NCF2: variants seen among roughly 807,000 people sequenced by gnomAD.
The protein encoded by NCF2 is neutrophil cytosol factor 2.
NCF2 carries 45 observed loss-of-function variants against 70.9 expected under a neutral mutation model. The observed-to-expected ratio is 0.63, with a 90% CI of 0.50 to 0.81. The LOEUF (loss-of-function observed/expected upper bound fraction) is 0.81. NCF2 is among the 40% of genes least tolerant of loss of function. NCF2 has a pLI of 0.00. For synonymous variants in NCF2, 203 were observed against 233.6 expected (o/e 0.87, Z 1.19); for missense variants, 522 against 631.6 (o/e 0.83, Z 1.86).
intron 3 of NCF2, among the ~76,000 whole-genome samples, chr1:183,576,185 T>C (rs945084472): frequency 1.3e-5 from 2 of 152,138 alleles, no homozygotes; most frequent in East Asian, 1.9e-4. Flanking sequence ...GGGAAATGAC[T>C]GGAAGGTCCC....
upstream of NCF2, chr1:183,590,784 A>G (rs1188398254): frequency 2.6e-5 from 6 of 227,814 alleles, no homozygotes; most frequent in African/African-American, 1.1e-4. Flanking sequence ...GGTGATAATG[A>G]CAGGAGGCAG....
chr1:183,589,055 G>A (rs537302019), intron 1 of NCF2, among the ~76,000 whole-genome samples: 1 of 152,230 alleles, frequency 6.6e-6, no homozygotes, highest in Non-Finnish European at 1.5e-5. Flanking sequence ...AGCCAGAGGT[G>A]GGGGGTCCTG....
In NCF2 at chr1:183,568,663, G is replaced by A. The variant is rs1055910431; in HGVS notation, c.713+479C>T. On this transcript the variant is annotated intron_variant, in intron 7 of 14. Coordinates refer to ENST00000367535, the MANE Select transcript of NCF2 (RefSeq NM_000433.4). ...TAGGGAGTGGAAAACATCCACACAG[G>A]AAAAAGGACGTCATTCTAGATTCCT... Among the ~76,000 whole-genome samples the A allele has an allele frequency of 3.3e-5, 5 of 149,984 alleles. No homozygotes were observed. In the South Asian group the frequency reaches 8.6e-4, roughly 26 times the overall value.
intron 13 of NCF2, among the ~76,000 whole-genome samples, chr1:183,560,513 G>T (rs553426087): frequency 6.6e-6 from 1 of 152,306 alleles, no homozygotes; most frequent in Admixed American, 6.5e-5. Context: ...TAGATGAATG[G>T]TGGTGGGTGG....
At position 183,556,024 on chromosome 1, in the gene NCF2, A is replaced by G. The variant is rs1671754629; in HGVS notation, c.*94T>C. On this transcript the variant is annotated 3_prime_UTR_variant, in exon 15 of 15. Transcript: ENST00000367535. ...TAAATAGTTAACACTTCCAAACTGT[A>G]ATGTCTCAGTACAGTATACAGCAGA... is the stretch of plus-strand genomic sequence containing the variant. 9.7e-7 allele frequency: 1 copy of G among 1,027,424 alleles called. No individual in the cohort carries two copies. 63.6% of individuals were successfully genotyped at this position (1,027,424 alleles called of 1,614,324 possible).
chr1:183,587,347 A>G (rs1340038495), intron 1 of NCF2, among the ~76,000 whole-genome samples: 1 of 152,156 alleles, frequency 6.6e-6, no homozygotes, highest in Admixed American at 6.5e-5. Flanking sequence ...TAATCCCAGC[A>G]CTTTGGGAGG....
the NCF2 span, among the ~76,000 whole-genome samples, chr1:183,600,505 A>G: frequency 1.3e-5 from 2 of 152,182 alleles, no homozygotes; most frequent in African/African-American, 4.8e-5. Flanking sequence ...AGCAACTATT[A>G]TCTGTCATCC....
chr1:183,586,411 A>G (rs556173415), intron 2 of NCF2, among the ~76,000 whole-genome samples: 1 of 152,362 alleles, frequency 6.6e-6, no homozygotes, highest in South Asian at 2.1e-4. Context: ...ATCTGTAGTA[A>G]TTTATTCTTA....
At chr1:183,598,378 A>G in the NCF2 span, 1 of 152,230 alleles carries the variant, frequency 6.6e-6, no homozygotes, top group Non-Finnish European at 1.5e-5. Context: ...ATTCTCAGAA[A>G]CAAACATAAC....
intron 1 of NCF2, among the ~76,000 whole-genome samples, chr1:183,589,061 T>A (rs1429338312): frequency 6.6e-6 from 1 of 151,890 alleles, no homozygotes; most frequent in African/African-American, 2.4e-5. Flanking sequence ...AGGTGGGGGG[T>A]CCTGCCATGC....
chr1:183,567,140 A>T, intron 8 of NCF2, 64 bp downstream of exon 8: 8 of 1,611,718 alleles, frequency 5.0e-6, no homozygotes, highest in Non-Finnish European at 6.8e-6. Context: ...ATACTGCTCC[A>T]CAGAGACTGC....
chr1:183,560,050 C>T, intron 14 of NCF2, 46 bp downstream of exon 14: 1 of 1,586,774 alleles, frequency 6.3e-7, no homozygotes, highest in Non-Finnish European at 8.7e-7. Context: ...GACCTTGTTT[C>T]TGCTAACATG....
At chr1:183,586,668 G>T (rs1005794186) in intron 2 of NCF2, among the ~76,000 whole-genome samples, 1 of 152,150 alleles carries the variant, frequency 6.6e-6, no homozygotes, top group Non-Finnish European at 1.5e-5. Flanking sequence ...TAGGCTCATT[G>T]TGCCTATGAC....
At chr1:183,571,828 C>T (rs1324260387) in intron 5 of NCF2, among the ~76,000 whole-genome samples, 1 of 152,204 alleles carries the variant, frequency 6.6e-6, no homozygotes, top group Non-Finnish European at 1.5e-5. Context: ...CCAGATATTT[C>T]CTATAAACGG....
At chr1:183,590,731 C>T, upstream of NCF2, 1 of 266,438 alleles carries the variant, frequency 3.8e-6, no homozygotes, top group East Asian at 9.5e-5. Flanking sequence ...CAAAGTTCTG[C>T]TTCTAGAGCC....
intron 2 of NCF2, among the ~76,000 whole-genome samples, chr1:183,578,292 G>T (rs1165393528): frequency 2.0e-5 from 3 of 151,184 alleles, no homozygotes; most frequent in Non-Finnish European, 4.4e-5. Flanking sequence ...CGCCACTTCT[G>T]CCTCCTCCCT....
At chr1:183,573,109 T>C in intron 5 of NCF2, 76 bp downstream of exon 5, 1 of 1,348,878 alleles carries the variant, frequency 7.4e-7, no homozygotes, top group Non-Finnish European at 1.1e-6. Context: ...TACCCTCTTC[T>C]CAAGAGTCCC....
rs759997544 is a variant in NCF2 at position 183,570,859 on chromosome 1, G to A, written c.610-20C>T. The A allele has an allele frequency of 6.2e-7, 1 of 1,613,430 alleles. No homozygotes were observed. The highest frequency in any genetic ancestry group is 1.1e-5 in the South Asian group (1 of 91,056). ...CACGACCTAAAATCAAGGACAGGAG[G>A]GTGTGAGGCTCTGCCAGCACTGTTT... On this transcript the variant is annotated intron_variant, in intron 5 of 14. Coordinates refer to ENST00000367535, the MANE Select transcript of NCF2 (RefSeq NM_000433.4).
intron 2 of NCF2, among the ~76,000 whole-genome samples, chr1:183,580,190 T>C (rs1183889306): frequency 1.3e-5 from 2 of 152,126 alleles, no homozygotes; most frequent in African/African-American, 2.4e-5. Context: ...GGGTTTGAAA[T>C]AGGAGGATGG....
Sources: allele counts gnomAD v4.1 joint callset (sites outside exome capture counted in the v4.1 genomes callset), GRCh38; gene constraint gnomAD v4.1.1; transcripts MANE v1.5; gene names NCBI Gene and HGNC (gene_info 2026-07-23, HGNC 2026-07-21).